Variants in MADCAM1 observed in about 807,000 individuals in gnomAD.
MADCAM1 encodes mucosal vascular addressin cell adhesion molecule 1.
MADCAM1 carries 19 observed loss-of-function variants against 26.1 expected under a neutral mutation model. That is an observed-to-expected ratio of 0.73 (90% confidence interval 0.51 to 1.07). The LOEUF is 1.07. MADCAM1 is among the 50% of genes least tolerant of loss of function. The pLI, the probability that MADCAM1 is intolerant of heterozygous loss-of-function variation, is 0.00. For missense variants in MADCAM1, 514 were observed against 542.1 expected (o/e 0.95, Z 0.51); for synonymous variants, 268 against 260.9 (o/e 1.03, Z -0.26).
chr19:503,521 C>CA (rs1978458416), intron 4 of MADCAM1, among the ~76,000 whole-genome samples: 1 of 142,732 alleles, frequency 7.0e-6, no homozygotes, highest in Non-Finnish European at 1.5e-5. Context: ...GCGGAGCCTG[C>CA]AGTGAGCCGA....
At chr19:503,391 C>G (rs573843324) in intron 4 of MADCAM1, among the ~76,000 whole-genome samples, 2 of 150,792 alleles carry the variant, frequency 1.3e-5, no homozygotes, top group African/African-American at 4.9e-5. Flanking sequence ...ACCATCCTGG[C>G]TAACACGGTG....
rs920294257 is a variant in MADCAM1 at position 504,867 on chromosome 19, G to A, written c.1051G>A (p.Asp351Asn). ...LWKRCRHLAEDDTHPPASLRL... is the reference protein window; with the variant it reads ...LWKRCRHLAENDTHPPASLRL... Reference sequence around the variant, plus strand: ...GAAACGCTGCCGGCACCTGGCTGAGGACGACACCCACCCACCAGCTTCTCT... The same window carrying A: ...GAAACGCTGCCGGCACCTGGCTGAGAACGACACCCACCCACCAGCTTCTCT... The change falls in exon 5 of 5, where the codon GAC becomes AAC. Residue 351 changes from aspartate to asparagine, a missense_variant. Around this residue, in one of 3 missense-constraint regions of MADCAM1, gnomAD observed 152 missense variants for 136.7 expected, o/e 1.11. Coordinates refer to ENST00000215637, the MANE Select transcript of MADCAM1 (RefSeq NM_130760.3). 6.2e-7 allele frequency: 1 copy of A among 1,612,810 alleles called. No individual in the cohort carries two copies. The highest frequency in any genetic ancestry group is 1.3e-5 in the African/African-American group (1 of 74,928).
intron 3 of MADCAM1, among the ~76,000 whole-genome samples, chr19:501,342 A>G (rs1417604325): frequency 6.7e-6 from 1 of 149,926 alleles, no homozygotes; most frequent in Non-Finnish European, 1.5e-5. Flanking sequence ...AAAATTAGCC[A>G]GGTGTGGTGG....
chr19:496,510 G>A lies in MADCAM1; in HGVS notation c.11G>A (p.Gly4Glu). 1 of 1,309,806 alleles carries A rather than the reference G, an allele frequency of 7.6e-7. No individual in the cohort carries two copies. The highest frequency in any genetic ancestry group is 9.8e-7 in the Non-Finnish European group (1 of 1,021,968). The allele number at this position is 1,309,806 out of a possible 1,614,324, so 81.1% of individuals were successfully genotyped here. A position where few individuals can be genotyped will look rare whatever the true frequency, so the allele number is the denominator to read the frequency against. MDF[G>E]LALLLAGLLG... Reference sequence around the variant, plus strand: ...CAGAGGGGACTGAGCATGGATTTCGGACTGGCCCTCCTGCTGGCGGGGCTT... The same window carrying A: ...CAGAGGGGACTGAGCATGGATTTCGAACTGGCCCTCCTGCTGGCGGGGCTT... The change falls in exon 1 of 5, where the codon GGA (glycine) becomes GAA (glutamate). Residue 4 changes from glycine to glutamate, a missense_variant. This residue lies in a region of MADCAM1 where 317 missense variants were observed against 313.6 expected (regional missense o/e 1.01). Transcript: ENST00000215637.
chr19:504,929 A>G lies in MADCAM1; in HGVS notation c.1113A>G (p.Leu371=), dbSNP rs773726132. ...LLPQVSAWAG[L]RGTGQVGISP... ...CCCAGGTGTCGGCCTGGGCTGGGTT[A>G]AGGGGGACCGGCCAGGTCGGGATCA... The change falls in exon 5 of 5, where the codon TTA becomes TTG. Residue 371 remains leucine (L), a synonymous_variant. Transcript: ENST00000215637. 6.2e-7 allele frequency: 1 copy of G among 1,606,710 alleles called. No homozygotes were observed. Among genetic ancestry groups the G allele is most frequent in the East Asian group, 2.2e-5 (1 of 44,662 alleles).
intron 2 of MADCAM1, 34 bp from the exon 3 acceptor site, chr19:498,462 G>A (rs1157825771): frequency 7.0e-7 from 1 of 1,438,596 alleles, no homozygotes; most frequent in Non-Finnish European, 9.1e-7. Flanking sequence ...CCCTGACTCT[G>A]GGCTCAGCCC....
At chr19:499,109 C>T (rs2145818612) in intron 3 of MADCAM1, 2 of 643,814 alleles carry the variant, frequency 3.1e-6, no homozygotes, top group African/African-American at 1.8e-5. Flanking sequence ...GCACGACCTA[C>T]CCTGTCCCCT....
chr19:498,245 C>A, intron 2 of MADCAM1, 128 bp downstream of exon 2: 1 of 1,046,936 alleles, frequency 9.6e-7, no homozygotes, highest in Non-Finnish European at 1.3e-6. Context: ...TCCCCGAAGC[C>A]AGGTCCCCGG....
chr19:504,967 T>A lies in MADCAM1; in HGVS notation c.*2T>A, dbSNP rs751707863. The A allele has an allele frequency of 6.3e-7, 1 of 1,582,832 alleles. No individual in the cohort carries two copies. Among genetic ancestry groups the A allele is most frequent in the African/African-American group, 1.3e-5 (1 of 74,300 alleles). On this transcript the variant is annotated 3_prime_UTR_variant, in exon 5 of 5. Coordinates refer to ENST00000215637, the MANE Select transcript of MADCAM1 (RefSeq NM_130760.3). ...CAGGTCGGGATCAGCCCCTCCTGAG[T>A]GGCCAGCCTTTCCCCCTGTGAAAGC...
At chr19:499,255 G>A (rs777021416) in intron 3 of MADCAM1, 10 of 466,386 alleles carry the variant, frequency 2.1e-5, no homozygotes, top group African/African-American at 4.0e-5. Context: ...GCCCTCTGCC[G>A]GGAATACCCT....
rs957120720 is a variant in MADCAM1, at chr19:499,011, C to T, written c.667+186C>T. 18 of 916,036 alleles carry T rather than the reference C, an allele frequency of 2.0e-5. No individual in the cohort carries two copies. The African/African-American group carries it at 2.1e-4, about 11-fold the overall frequency. 56.7% of individuals were successfully genotyped at this position (916,036 alleles called of 1,614,324 possible). On this transcript the variant is annotated intron_variant, in intron 3 of 4. Coordinates refer to ENST00000215637, the MANE Select transcript of MADCAM1 (RefSeq NM_130760.3). Reference sequence around the variant, plus strand: ...TTTGCCGAGCACCTGCCCCCCAGCACAGGTCCCACCCCTCCCCTGCCCACA... The same window carrying T: ...TTTGCCGAGCACCTGCCCCCCAGCATAGGTCCCACCCCTCCCCTGCCCACA...
intron 4 of MADCAM1, among the ~76,000 whole-genome samples, chr19:504,255 CTTT>C (rs141972615): frequency 0.019 from 1,663 of 88,252 alleles, 91 homozygotes; most frequent in South Asian, 0.14. Context: ...CCGGTCTGCC[CTTT>C]TTTTTTTTTT....
intron 4 of MADCAM1, 26 bp from the exon 5 acceptor site, chr19:504,719 C>T (rs535905706): frequency 6.4e-6 from 10 of 1,557,118 alleles, no homozygotes; most frequent in African/African-American, 5.4e-5. Context: ...GGGCTCTGAC[C>T]GGGGTCTCCT....
At chr19:504,509 T>A (rs1184006423) in intron 4 of MADCAM1, among the ~76,000 whole-genome samples, 1 of 152,130 alleles carries the variant, frequency 6.6e-6, no homozygotes, top group Non-Finnish European at 1.5e-5. Flanking sequence ...CCACCCGCTT[T>A]GGCCTCCCGA....
At chr19:503,782 C>A (rs1394237542) in intron 4 of MADCAM1, among the ~76,000 whole-genome samples, 1 of 151,870 alleles carries the variant, frequency 6.6e-6, no homozygotes, top group Non-Finnish European at 1.5e-5. Context: ...GACACGGTGG[C>A]TCATGCCTAT....
At chr19:501,410 G>C (rs1408889747) in intron 3 of MADCAM1, 9 of 337,240 alleles carry the variant, frequency 2.7e-5, no homozygotes, top group Non-Finnish European at 4.1e-5. Flanking sequence ...GCTTGAACCT[G>C]AGGAGCGGAG....
chr19:498,249 T>C, intron 2 of MADCAM1, 132 bp downstream of exon 2: 1 of 997,922 alleles, frequency 1.0e-6, no homozygotes, highest in Non-Finnish European at 1.3e-6. Context: ...CGAAGCCAGG[T>C]CCCCGGCCTT....
In MADCAM1 at chr19:497,532, G is replaced by A. The variant is rs562036147; in HGVS notation, c.53-301G>A. 2.7e-3 allele frequency among the ~76,000 whole-genome samples: 398 copies of A among 148,902 alleles called. 1 individual carries two copies. The highest frequency in any genetic ancestry group is 9.8e-3 in the African/African-American group (381 of 38,786). On this transcript the variant is annotated intron_variant, in intron 1 of 4. Coordinates refer to ENST00000215637, the MANE Select transcript of MADCAM1 (RefSeq NM_130760.3). ...GTGATCCTGCCAGAGGAGGGGGCTC[G>A]GAGGAGGCAGGGGCTGAGAGGGGAA...
At chr19:497,696 G>C in intron 1 of MADCAM1, 137 bp from the exon 2 acceptor site, 1 of 668,746 alleles carries the variant, frequency 1.5e-6, no homozygotes, top group Non-Finnish European at 2.1e-6. Context: ...GGCGGGGCAG[G>C]GGTCCGGGGG....
Sources: allele counts gnomAD v4.1 joint callset (sites outside exome capture counted in the v4.1 genomes callset), GRCh38; gene constraint gnomAD v4.1.1; regional missense constraint gnomAD v4.1.1; transcripts MANE v1.5; gene names NCBI Gene and HGNC (gene_info 2026-07-23, HGNC 2026-07-21).